The following PI4KA variants were observed in gnomAD, a reference collection of about 807,000 sequenced individuals.
PI4KA encodes the protein PI4-kinase alpha.
PI4KA carries 122 observed loss-of-function variants against 271.4 expected under a neutral mutation model. The ratio of observed to expected loss-of-function variants is 0.45; its 90% CI spans 0.39 to 0.52. The LOEUF is 0.52. PI4KA is among the 20% of genes least tolerant of loss of function. The pLI, the probability that PI4KA is intolerant of heterozygous loss-of-function variation, is 0.00. For missense variants in PI4KA, 1,969 were observed against 2,769.1 expected (o/e 0.71, Z 6.48); for synonymous variants, 1,041 against 1,078.8 (o/e 0.96, Z 0.69).
intron 23 of PI4KA, among the ~76,000 whole-genome samples, chr22:20,759,404 T>A (rs1207468042): frequency 7.5e-6 from 1 of 132,650 alleles, no homozygotes; most frequent in Non-Finnish European, 1.6e-5. Flanking sequence ...TTTCTTTTCT[T>A]TTTTTTTTTT....
At chr22:20,769,874 G>A (rs1342240875) in intron 19 of PI4KA, among the ~76,000 whole-genome samples, 1 of 152,192 alleles carries the variant, frequency 6.6e-6, no homozygotes, top group African/African-American at 2.4e-5. Context: ...CTTCCCAGGA[G>A]TGATGGTAGC....
rs570146050 is a variant in PI4KA, at chr22:20,746,594, C to G, written c.3363+989G>C. ...GGCTTATGACTATCATAAACACTTA[C>G]AGTCTATGAGTTCCGCCTCTGGCCT... On this transcript the variant is annotated intron_variant, in intron 29 of 54. Transcript: ENST00000255882. Among the ~76,000 whole-genome samples the G allele has an allele frequency of 2.6e-5, 4 of 152,346 alleles. 1 individual carries two copies. In the South Asian group the frequency reaches 8.3e-4, roughly 32 times the overall value.
chr22:20,840,365 G>A (rs2147782757), intron 1 of PI4KA, among the ~76,000 whole-genome samples: 1 of 152,336 alleles, frequency 6.6e-6, no homozygotes, highest in Admixed American at 6.5e-5. Context: ...GGTCCAGACA[G>A]AGAAGGTCCC....
At chr22:20,709,164 T>C (rs1188168265) in intron 54 of PI4KA, 132 bp downstream of exon 54, 2 of 757,170 alleles carry the variant, frequency 2.6e-6, no homozygotes, top group African/African-American at 3.5e-5. Flanking sequence ...AGAGCTCCTG[T>C]CAAGACTTGG....
intron 44 of PI4KA, among the ~76,000 whole-genome samples, 171 bp downstream of exon 44, chr22:20,718,522 C>T (rs1409754211): frequency 6.6e-6 from 1 of 152,232 alleles, no homozygotes; most frequent in Non-Finnish European, 1.5e-5. Flanking sequence ...GCAGTGCTTC[C>T]CCACCCACCC....
At chr22:20,791,769 A>C (rs942180919) in intron 19 of PI4KA, among the ~76,000 whole-genome samples, 1 of 151,946 alleles carries the variant, frequency 6.6e-6, no homozygotes, top group African/African-American at 2.4e-5. Flanking sequence ...AAAACAATAA[A>C]AATAAAAATA....
At chr22:20,840,119 C>T (rs1473370692) in intron 1 of PI4KA, among the ~76,000 whole-genome samples, 2 of 152,180 alleles carry the variant, frequency 1.3e-5, no homozygotes, top group Non-Finnish European at 2.9e-5. Flanking sequence ...GCAGATGAAA[C>T]TAATGTGCTA....
rs757423195 is a variant in PI4KA at position 20,742,803 on chromosome 22, C to T, written c.3457-39G>A. 7 of 1,606,512 alleles carry T rather than the reference C, an allele frequency of 4.4e-6. No homozygotes were observed. In the Admixed American group the frequency reaches 8.3e-5, roughly 19 times the overall value. ...CTCATCAGCAACTAAGCATATAATC[C>T]AGGCAATGTGGGTAAGGTTCTGGAA... On this transcript the variant is annotated intron_variant, in intron 30 of 54. Transcript: ENST00000255882.
intron 17 of PI4KA, among the ~76,000 whole-genome samples, chr22:20,797,711 G>C (rs1246565940): frequency 6.6e-6 from 1 of 152,162 alleles, no homozygotes; most frequent in African/African-American, 2.4e-5. Context: ...AGGCACAGAG[G>C]TTCAGCATTT....
chr22:20,777,459 C>T (rs1933396003), intron 19 of PI4KA, among the ~76,000 whole-genome samples: 1 of 152,158 alleles, frequency 6.6e-6, no homozygotes, highest in Admixed American at 6.6e-5. Flanking sequence ...CTCAGATGAT[C>T]CGCCCACCTC....
At chr22:20,784,812 T>C (rs767587948) in intron 19 of PI4KA, among the ~76,000 whole-genome samples, 3 of 152,184 alleles carry the variant, frequency 2.0e-5, no homozygotes, top group Non-Finnish European at 4.4e-5. Context: ...GCAGAAAGAA[T>C]GGAGAGGTCT....
At chr22:20,849,146 T>A (rs974200868) in intron 1 of PI4KA, among the ~76,000 whole-genome samples, 1 of 152,052 alleles carries the variant, frequency 6.6e-6, no homozygotes, top group African/African-American at 2.4e-5. Context: ...AATAATAAGA[T>A]CCCACTTCAC....
In PI4KA at chr22:20,749,687, A is replaced by G. The variant is rs373964260; in HGVS notation, c.3243+218T>C. On this transcript the variant is annotated intron_variant, in intron 28 of 54. Coordinates refer to ENST00000255882, the MANE Select transcript of PI4KA (RefSeq NM_058004.4). ...GGCACCTCACCTGGTGTGAGCCGTC[A>G]GATGCCCTCCTTGTGCCCTGGCCAG... Among the ~76,000 whole-genome samples, 67 of 152,374 alleles carry G rather than the reference A, an allele frequency of 4.4e-4. 4 individuals are homozygous for G. In the South Asian group the frequency reaches 0.014, roughly 31 times the overall value.
chr22:20,824,347 C>A lies in PI4KA; in HGVS notation c.435G>T (p.Arg145Ser). ...LVTLLSDVAY[R>S]DPSLRDEILE... ...TTACCTCATCCCTAAGTGAAGGATC[C>A]CTATAGGCCACATCAGACAGCAGAG... Residue 145 changes from arginine (R) to serine (S), a missense_variant, in exon 4 of 55, where the codon AGG (arginine) becomes AGT (serine). Around this residue, in one of 13 missense-constraint regions of PI4KA, gnomAD observed 540 missense variants for 555.5 expected, o/e 0.97. Coordinates refer to ENST00000255882, the MANE Select transcript of PI4KA (RefSeq NM_058004.4). 7 of 1,612,526 alleles carry A rather than the reference C, an allele frequency of 4.3e-6. No homozygotes were observed. The highest frequency in any genetic ancestry group is 8.5e-7 in the Non-Finnish European group (1 of 1,178,776).
At chr22:20,790,660 CAAAAAT>C (rs1255663756) in intron 19 of PI4KA, among the ~76,000 whole-genome samples, 7 of 146,568 alleles carry the variant, frequency 4.8e-5, no homozygotes, top group Non-Finnish European at 1.0e-4. Context: ...GACTCTGTCT[CAAAAAT>C]AAAAATAAAA....
At chr22:20,784,392 C>A in intron 19 of PI4KA, 1 of 1,126,726 alleles carries the variant, frequency 8.9e-7, no homozygotes, top group South Asian at 1.4e-5. Flanking sequence ...TTAATTCAGC[C>A]CCAATTTGTT....
chr22:20,720,606 C>A (rs1926622406), intron 43 of PI4KA, among the ~76,000 whole-genome samples: 2 of 152,164 alleles, frequency 1.3e-5, no homozygotes, highest in African/African-American at 4.8e-5. Flanking sequence ...AAAGAATCTC[C>A]ACAATGACCT....
chr22:20,799,426 G>A (rs575492267), intron 15 of PI4KA, 150 bp from the exon 16 acceptor site: 146 of 804,578 alleles, frequency 1.8e-4, no homozygotes, highest in Middle Eastern at 1.5e-3. Context: ...TTTTAACCAC[G>A]GGCAGAAACA....
At chr22:20,813,267 C>G (rs1921301275) in intron 8 of PI4KA, 91 bp downstream of exon 8, 1 of 940,494 alleles carries the variant, frequency 1.1e-6, no homozygotes, top group African/African-American at 1.6e-5. Flanking sequence ...AATACTGGTA[C>G]TCTGAGTTTT....
Sources: allele counts gnomAD v4.1 joint callset (sites outside exome capture counted in the v4.1 genomes callset), GRCh38; gene constraint gnomAD v4.1.1; regional missense constraint gnomAD v4.1.1; transcripts MANE v1.5; gene names NCBI Gene and HGNC (gene_info 2026-07-23, HGNC 2026-07-21).